EXOC6: variants seen among roughly 807,000 people sequenced by gnomAD.
EXOC6 encodes exocyst complex component 6, also known as SEC15-like 1.
A neutral mutation model predicts 112.5 loss-of-function variants in EXOC6; 60 were observed. The observed-to-expected ratio is 0.53, with a 90% confidence interval of 0.43 to 0.66. The LOEUF (loss-of-function observed/expected upper bound fraction) is 0.66. Among genes scored for constraint, EXOC6 ranks in the 30% least tolerant of loss-of-function variants. The probability of loss-of-function intolerance (pLI) is 0.00; values close to 1 mark genes in which losing one functional copy is unlikely to be tolerated. For synonymous variants in EXOC6, 295 were observed against 308.0 expected (o/e 0.96, Z 0.44); for missense variants, 855 against 957.1 (o/e 0.89, Z 1.41).
chr10:92,887,799 T>A (rs1849299643), intron 1 of EXOC6, among the ~76,000 whole-genome samples: 1 of 152,262 alleles, frequency 6.6e-6, no homozygotes, highest in Admixed American at 6.5e-5. Context: ...AGGCTTTTTC[T>A]AGGGCCAGCA....
At chr10:92,938,508 A>C (rs1852480077) in intron 12 of EXOC6, among the ~76,000 whole-genome samples, 1 of 152,128 alleles carries the variant, frequency 6.6e-6, no homozygotes, top group Admixed American at 6.6e-5. Flanking sequence ...CCCTAAGGAA[A>C]TTTTGCTTTT....
intron 20 of EXOC6, among the ~76,000 whole-genome samples, chr10:93,047,710 G>C (rs1184815590): frequency 6.6e-6 from 1 of 152,096 alleles, no homozygotes; most frequent in Non-Finnish European, 1.5e-5. Context: ...CATTTTGGGA[G>C]GCCGAGGCAG....
At chr10:92,958,135 G>A (rs1168737421) in intron 17 of EXOC6, among the ~76,000 whole-genome samples, 1 of 152,156 alleles carries the variant, frequency 6.6e-6, no homozygotes, top group Non-Finnish European at 1.5e-5. Context: ...AACTCTGTAA[G>A]TGATATAAAA....
intron 1 of EXOC6, among the ~76,000 whole-genome samples, chr10:92,858,194 C>T (rs1028381645): frequency 1.3e-5 from 2 of 151,932 alleles, no homozygotes; most frequent in African/African-American, 4.8e-5. Context: ...TATGATGTAC[C>T]TGGATATGGA....
intron 17 of EXOC6, among the ~76,000 whole-genome samples, chr10:92,956,725 A>G (rs900416333): frequency 8.5e-5 from 13 of 152,126 alleles, no homozygotes; most frequent in African/African-American, 2.9e-4. Context: ...ATTAAAACTT[A>G]GAAGCCTAAA....
chr10:92,971,639 C>T (rs979614389), intron 17 of EXOC6, among the ~76,000 whole-genome samples: 6 of 152,186 alleles, frequency 3.9e-5, no homozygotes, highest in Admixed American at 2.6e-4. Context: ...CTCGGCCTCC[C>T]AAAGTGCTAG....
chr10:92,948,156 C>A (rs889242386), intron 13 of EXOC6, 118 bp from the exon 14 acceptor site: 120 of 579,076 alleles, frequency 2.1e-4, no homozygotes, highest in Middle Eastern at 4.6e-4. Context: ...CTGTTTGGAC[C>A]TTTAATAGAC....
chr10:93,023,967 A>C (rs1844903962), intron 20 of EXOC6, among the ~76,000 whole-genome samples: 1 of 152,120 alleles, frequency 6.6e-6, no homozygotes, highest in African/African-American at 2.4e-5. Flanking sequence ...TAATCGCCAA[A>C]GCTTTTTAAA....
intron 1 of EXOC6, among the ~76,000 whole-genome samples, chr10:92,840,123 A>AT (rs745514233): frequency 1.2e-4 from 15 of 126,450 alleles, no homozygotes; most frequent in Non-Finnish European, 2.2e-4. Flanking sequence ...GAAAGAAAAC[A>AT]TTAAAAAAAA....
intron 13 of EXOC6, among the ~76,000 whole-genome samples, chr10:92,944,991 C>T (rs756248292): frequency 1.3e-5 from 2 of 151,714 alleles, no homozygotes; most frequent in Non-Finnish European, 2.9e-5. Context: ...AGGCTGGTCT[C>T]GAACTCCCGA....
chr10:93,058,152 G>A lies in EXOC6; in HGVS notation c.2283-71G>A, dbSNP rs111676198. 1.3e-3 allele frequency: 1,859 copies of A among 1,422,846 alleles called. 30 individuals are homozygous for A. The African/African-American group carries it at 0.024, about 18-fold the overall frequency. The allele number at this position is 1,422,846 out of a possible 1,614,324, so 88.1% of individuals were successfully genotyped here. A position where few individuals can be genotyped will look rare whatever the true frequency, so the allele number is the denominator to read the frequency against. On this transcript the variant is annotated intron_variant, in intron 21 of 21. Transcript: ENST00000260762. ...TGTGGGATAATTCAGAGCATGCCAA[G>A]ATATTTTACTTGTGACAGCTTAGCT...
chr10:92,908,767 C>T (rs10882125), intron 5 of EXOC6, among the ~76,000 whole-genome samples: 44,623 of 152,008 alleles, frequency 0.29, 7,353 homozygotes, highest in East Asian at 0.73. Flanking sequence ...AGGGCAAAGG[C>T]TACACTTTAC....
At chr10:92,910,255 A>G (rs976708998) in intron 6 of EXOC6, among the ~76,000 whole-genome samples, 1 of 152,232 alleles carries the variant, frequency 6.6e-6, no homozygotes, top group African/African-American at 2.4e-5. Flanking sequence ...GGATACACAA[A>G]TGGTGGTATA....
chr10:92,984,119 T>C (rs999126386), intron 18 of EXOC6, among the ~76,000 whole-genome samples: 1 of 152,182 alleles, frequency 6.6e-6, no homozygotes, highest in African/African-American at 2.4e-5. Context: ...ACACAAAGCA[T>C]AGTATGCTTG....
Position 92,959,931 on chromosome 10 carries a change from C to A in EXOC6, c.1773+4217C>A, listed in dbSNP as rs576632700. Among the ~76,000 whole-genome samples the A allele has an allele frequency of 5.3e-5, 8 of 152,324 alleles. No individual in the cohort carries two copies. The South Asian group carries it at 1.2e-3, about 24-fold the overall frequency. On this transcript the variant is annotated intron_variant, in intron 17 of 21. Coordinates refer to ENST00000260762, the MANE Select transcript of EXOC6 (RefSeq NM_019053.6). ...TGGTGGGAATGCAAAATGCTACAGC[C>A]TCCTTGGAAGACCATTTGGCAGCTT...
chr10:92,930,766 G>GA lies in EXOC6; in HGVS notation c.972+2352dup, dbSNP rs1013395938. ...GTTACATAAAGCATGAGCCATAAAA[G>GA]AAAAAAAATAGATGATTTGAACATC... On this transcript the variant is annotated intron_variant, in intron 9 of 21. Transcript: ENST00000260762. Among the ~76,000 whole-genome samples the GA allele has an allele frequency of 4.0e-5, 6 of 151,544 alleles. No homozygotes were observed. In the South Asian group the frequency reaches 1.0e-3, roughly 26 times the overall value.
At chr10:92,904,471 A>G (rs772247743) in intron 5 of EXOC6, among the ~76,000 whole-genome samples, 15 of 151,918 alleles carry the variant, frequency 9.9e-5, no homozygotes, top group Non-Finnish European at 2.2e-4. Flanking sequence ...TAGTGTTGTC[A>G]TTTTTTCGGA....
intron 20 of EXOC6, among the ~76,000 whole-genome samples, chr10:93,056,507 C>CTTA (rs2134394052): frequency 6.6e-6 from 1 of 152,286 alleles, no homozygotes; most frequent in South Asian, 2.1e-4. Flanking sequence ...GGTAAACATA[C>CTTA]TTACCTCTAA....
rs1688767004 is a variant in EXOC6, at chr10:92,915,778, C to T, written c.684C>T (p.Phe228=). The stretch of plus-strand genomic sequence containing the variant: ...AATAGGCACAGCATCAGAAAACCTT[C>T]AGTGTTTCTCTGCAGAAACAAAATA... ...AMKQAQHQKT[F]SVSLQKQNKM... is the part of the protein sequence containing the mutation. The change falls in exon 7 of 22, where the codon TTC becomes TTT. Residue 228 remains phenylalanine, a synonymous_variant. Coordinates refer to ENST00000260762, the MANE Select transcript of EXOC6 (RefSeq NM_019053.6). The T allele has an allele frequency of 1.3e-6, 2 of 1,531,332 alleles. No individual in the cohort carries two copies. Among genetic ancestry groups the T allele is most frequent in the African/African-American group, 2.9e-5 (2 of 69,060 alleles). The allele number at this position is 1,531,332 out of a possible 1,614,324, so 94.9% of individuals were successfully genotyped here.
Sources: gnomAD v4.1 joint callset for allele counts (sites outside exome capture counted in the v4.1 genomes callset) on GRCh38, gnomAD v4.1.1 for gene constraint, MANE v1.5 for transcripts, NCBI Gene and HGNC (gene_info 2026-07-23, HGNC 2026-07-21) for gene names.